Variants in PGLS observed in about 807,000 individuals in gnomAD.
The protein encoded by PGLS is 6-phosphogluconolactonase.
In PGLS, 21 loss-of-function variants were observed where a neutral mutation model predicts 23.2. The observed-to-expected ratio is 0.91, with a 90% CI of 0.64 to 1.31. The LOEUF (loss-of-function observed/expected upper bound fraction) is 1.31. Ranked by LOEUF, PGLS falls within the 50% of genes most tolerant of loss-of-function variation. The pLI, the probability that PGLS is intolerant of heterozygous loss-of-function variation, is 0.00. For synonymous variants in PGLS, 179 were observed against 165.4 expected, an observed-to-expected ratio of 1.08 and a Z score of -0.63; for missense variants, 410 against 354.0, an observed-to-expected ratio of 1.16 and a Z score of -1.27.
intron 2 of PGLS, among the ~76,000 whole-genome samples, chr19:17,517,011 A>G (rs2075536589): frequency 6.6e-6 from 1 of 151,328 alleles, no homozygotes; most frequent in African/African-American, 2.4e-5. Flanking sequence ...CAGCCTCCCA[A>G]GTAGCTAGGA....
At chr19:17,516,097 G>A (rs989214709) in intron 1 of PGLS, 76 bp from the exon 2 acceptor site, 11 of 1,066,090 alleles carry the variant, frequency 1.0e-5, no homozygotes, top group East Asian at 7.4e-5. Context: ...GTGTTATGAC[G>A]GTACTGTCAT....
chr19:17,518,065 C>T (rs138166899), intron 4 of PGLS, among the ~76,000 whole-genome samples: 23 of 149,634 alleles, frequency 1.5e-4, no homozygotes, highest in South Asian at 4.2e-4. Flanking sequence ...AGGTATTAAC[C>T]GCTATGAAAT....
chr19:17,519,731 C>T lies in PGLS; in HGVS notation c.640-1213C>T, dbSNP rs143651144. ...AGTTTTATTGGAACATAGCAACACC[C>T]GCTTATGTATATATTGTCTGCAGCT... On this transcript the variant is annotated intron_variant, in intron 4 of 4. Coordinates refer to ENST00000252603, the MANE Select transcript of PGLS (RefSeq NM_012088.3). 3.3e-5 allele frequency among the ~76,000 whole-genome samples: 5 copies of T among 152,200 alleles called. No individual in the cohort carries two copies. The East Asian group carries it at 5.8e-4, about 18-fold the overall frequency.
intron 1 of PGLS, 31 bp from the exon 2 acceptor site, chr19:17,516,142 G>A: frequency 1.3e-6 from 2 of 1,546,308 alleles, no homozygotes; most frequent in South Asian, 1.1e-5. Context: ...TCACGTTACT[G>A]TTGGTGACAT....
At chr19:17,517,148 GC>G in intron 2 of PGLS, 139 bp from the exon 3 acceptor site, 1 of 659,206 alleles carries the variant, frequency 1.5e-6, no homozygotes, top group Non-Finnish European at 2.8e-6. Context: ...CTCCCAAAGT[GC>G]TGGGATTTCA....
Position 17,520,849 on chromosome 19 carries a change from G to T in PGLS, c.640-95G>T. On this transcript the variant is annotated intron_variant, in intron 4 of 4. Coordinates refer to ENST00000252603, the MANE Select transcript of PGLS (RefSeq NM_012088.3). Reference sequence around the variant, plus strand: ...GCATTGTCACATTTTGAGGATACAAGAGTCTTATTTATCCTTGGTTGGGGA... The same window carrying T: ...GCATTGTCACATTTTGAGGATACAATAGTCTTATTTATCCTTGGTTGGGGA... The T allele has an allele frequency of 3.0e-6, 4 of 1,341,620 alleles. No individual in the cohort carries two copies. The South Asian group carries it at 6.5e-5, about 22-fold the overall frequency. The allele number at this position is 1,341,620 out of a possible 1,614,324, so 83.1% of individuals were successfully genotyped here. A position where few individuals can be genotyped will look rare whatever the true frequency, so the allele number is the denominator to read the frequency against.
At chr19:17,516,384 G>T (rs1298065383) in intron 2 of PGLS, 104 bp downstream of exon 2, 1 of 1,490,926 alleles carries the variant, frequency 6.7e-7, no homozygotes, top group South Asian at 1.3e-5. Flanking sequence ...CTGCCCCAGG[G>T]ATCACTGGCA....
At chr19:17,520,107 G>T (rs2075550186) in intron 4 of PGLS, among the ~76,000 whole-genome samples, 1 of 152,114 alleles carries the variant, frequency 6.6e-6, no homozygotes, top group Non-Finnish European at 1.5e-5. Context: ...GAGCCTTGAT[G>T]CCGTCACTGT....
chr19:17,512,168 A>T, intron 1 of PGLS: 2 of 538,894 alleles, frequency 3.7e-6, no homozygotes, highest in Non-Finnish European at 6.3e-6. Flanking sequence ...TCATGCCAAG[A>T]GGGCCGCGCC....
chr19:17,520,979 C>T lies in PGLS; in HGVS notation c.675C>T (p.Pro225=), dbSNP rs774375822. The change falls in exon 5 of 5, where the codon CCC becomes CCT. Residue 225 remains proline (P), a synonymous_variant. Coordinates refer to ENST00000252603, the MANE Select transcript of PGLS (RefSeq NM_012088.3). ...AGGACCAGGAGGAAAACCCGCTGCC[C>T]GCCGCCCTGGTCCAGCCCCACACCG... is the stretch of plus-strand genomic sequence containing the variant. The part of the protein sequence containing the change: ...ILEDQEENPL[P]AALVQPHTGK... The T allele has an allele frequency of 4.4e-6, 7 of 1,598,536 alleles. No homozygotes were observed. The highest frequency in any genetic ancestry group is 3.4e-5 in the Admixed American group (2 of 58,220).
chr19:17,514,278 C>T (rs1281514654), intron 1 of PGLS, among the ~76,000 whole-genome samples: 1 of 152,118 alleles, frequency 6.6e-6, no homozygotes, highest in Admixed American at 6.6e-5. Flanking sequence ...CAATTCCTGT[C>T]TCTGTCTGCA....
intron 2 of PGLS, 152 bp from the exon 3 acceptor site, chr19:17,517,136 G>A: frequency 1.6e-6 from 1 of 631,542 alleles, no homozygotes; most frequent in South Asian, 1.8e-5. Flanking sequence ...ACCTACCTCG[G>A]CCTCCCAAAG....
intron 2 of PGLS, chr19:17,516,546 T>C (rs900855380): frequency 8.2e-7 from 1 of 1,226,404 alleles, no homozygotes; most frequent in Non-Finnish European, 1.0e-6. Flanking sequence ...ACAGGCTACA[T>C]TGAGCACTGT....
At chr19:17,520,474 A>C (rs2075552005) in intron 4 of PGLS, 1 of 140,562 alleles carries the variant, frequency 7.1e-6, no homozygotes, top group Non-Finnish European at 1.5e-5. Context: ...TGAAACCGGG[A>C]GGCGGAAGTT....
intron 1 of PGLS, among the ~76,000 whole-genome samples, chr19:17,513,641 AGAC>A (rs1568431990): frequency 6.6e-6 from 1 of 152,106 alleles, no homozygotes; most frequent in Non-Finnish European, 1.5e-5. Context: ...CAACATGGCA[AGAC>A]CCCATCTCTA....
intron 1 of PGLS, among the ~76,000 whole-genome samples, chr19:17,515,566 G>A (rs1266710927): frequency 1.3e-5 from 2 of 152,170 alleles, no homozygotes; most frequent in African/African-American, 2.4e-5. Context: ...CCCACTCCCT[G>A]TAGTGGGGCA....
intron 4 of PGLS, 25 bp downstream of exon 4, chr19:17,517,875 G>A: frequency 1.2e-6 from 2 of 1,612,974 alleles, no homozygotes; most frequent in Non-Finnish European, 1.7e-6. Context: ...TTCTAGTCCT[G>A]GGAAGTTCAT....
intron 1 of PGLS, chr19:17,512,555 C>T (rs1297914467): frequency 2.0e-5 from 3 of 152,400 alleles, no homozygotes; most frequent in African/African-American, 7.2e-5. Flanking sequence ...TCTCTAACCC[C>T]AGCGAGTTCT....
intron 4 of PGLS, among the ~76,000 whole-genome samples, chr19:17,519,432 C>T (rs1457972585): frequency 1.3e-5 from 2 of 152,014 alleles, no homozygotes; most frequent in Non-Finnish European, 2.9e-5. Context: ...CAGCTTCTCA[C>T]CCTGTCATCC....
Sources: gnomAD v4.1 joint callset for allele counts (sites outside exome capture counted in the v4.1 genomes callset) on GRCh38, gnomAD v4.1.1 for gene constraint, MANE v1.5 for transcripts, NCBI Gene and HGNC (gene_info 2026-07-23, HGNC 2026-07-21) for gene names.